SLC4A10: variants seen among roughly 807,000 people sequenced by gnomAD.
SLC4A10 encodes the protein sodium-driven chloride bicarbonate exchanger.
Under a neutral mutation model 137.7 loss-of-function variants are expected in SLC4A10, and 42 were observed. The observed-to-expected ratio is 0.30, with a 90% confidence interval of 0.24 to 0.39. The LOEUF is 0.39. Among genes scored for constraint, SLC4A10 ranks in the 10% least tolerant of loss-of-function variants. The probability of loss-of-function intolerance (pLI) is 1.00; values close to 1 mark genes in which losing one functional copy is unlikely to be tolerated. For synonymous variants in SLC4A10, 474 were observed against 464.1 expected (o/e 1.02, Z -0.27); for missense variants, 925 against 1,355.0 (o/e 0.68, Z 4.98).
At chr2:161,655,503 A>G (rs1170919146) in intron 1 of SLC4A10, among the ~76,000 whole-genome samples, 3 of 152,198 alleles carry the variant, frequency 2.0e-5, no homozygotes, top group Non-Finnish European at 1.5e-5. Flanking sequence ...AGCTTTTTAT[A>G]CATGGCCTTT....
intron 2 of SLC4A10, among the ~76,000 whole-genome samples, chr2:161,793,747 A>G (rs2054462570): frequency 6.6e-6 from 1 of 152,150 alleles, no homozygotes. Context: ...GGGCAGGAAG[A>G]TTATGAATAT....
At chr2:161,795,283 G>C (rs1486868651) in intron 2 of SLC4A10, among the ~76,000 whole-genome samples, 9 of 152,106 alleles carry the variant, frequency 5.9e-5, no homozygotes, top group Admixed American at 2.6e-4. Context: ...AACACTTACT[G>C]AGCTTTTAAT....
chr2:161,781,314 G>A (rs2052987190), intron 2 of SLC4A10, among the ~76,000 whole-genome samples: 1 of 152,016 alleles, frequency 6.6e-6, no homozygotes, highest in Non-Finnish European at 1.5e-5. Context: ...TTTACTTGGT[G>A]AGTGAATCTT....
At position 161,905,861 on chromosome 2, in the gene SLC4A10, T is replaced by C; in HGVS notation, c.1971T>C (p.Asn657=). 1.2e-6 allele frequency: 2 copies of C among 1,613,188 alleles called. No individual in the cohort carries two copies. The highest frequency in any genetic ancestry group is 1.7e-6 in the Non-Finnish European group (2 of 1,179,440). The change falls in exon 15 of 27, where the codon AAT becomes AAC. Residue 657 remains asparagine, a synonymous_variant. Transcript: ENST00000446997. ...AAGCATATCCAATCAACATGCATAA[T>C]GATCTGGAACTGCTGACACAATACT... ...LSEAYPINMH[N]DLELLTQYSC...
chr2:161,635,501 T>C (rs1173002084), intron 1 of SLC4A10, among the ~76,000 whole-genome samples: 1 of 152,200 alleles, frequency 6.6e-6, no homozygotes, highest in Non-Finnish European at 1.5e-5. Context: ...GCTTTTGCTT[T>C]GACTAGACCA....
At chr2:161,940,160 C>G (rs1692410981) in intron 15 of SLC4A10, among the ~76,000 whole-genome samples, 1 of 152,076 alleles carries the variant, frequency 6.6e-6, no homozygotes, top group South Asian at 2.1e-4. Context: ...TCCAAGGCAC[C>G]TAAGTCACAA....
chr2:161,840,014 A>T, intron 4 of SLC4A10, 87 bp downstream of exon 4: 2 of 1,506,614 alleles, frequency 1.3e-6, no homozygotes, highest in African/African-American at 1.4e-5. Context: ...AATTTTGCAA[A>T]CATCTATGAT....
intron 1 of SLC4A10, among the ~76,000 whole-genome samples, chr2:161,731,588 G>A (rs1251380348): frequency 2.0e-5 from 3 of 152,202 alleles, no homozygotes; most frequent in African/African-American, 7.2e-5. Context: ...GAAAATAATA[G>A]ATGCTTACAG....
At chr2:161,950,961 G>A (rs1694696260) in intron 19 of SLC4A10, 113 bp downstream of exon 19, 1 of 846,472 alleles carries the variant, frequency 1.2e-6, no homozygotes, top group Admixed American at 3.6e-5. Context: ...ATAAAATAAT[G>A]TTTTTAGATG....
At chr2:161,795,745 T>C (rs1344109868) in intron 2 of SLC4A10, among the ~76,000 whole-genome samples, 2 of 152,084 alleles carry the variant, frequency 1.3e-5, no homozygotes, top group South Asian at 2.1e-4. Flanking sequence ...AAATAGTCCA[T>C]AGATTGCAGC....
intron 10 of SLC4A10, 45 bp downstream of exon 10, chr2:161,882,489 AC>A: frequency 7.5e-7 from 1 of 1,340,094 alleles, no homozygotes; most frequent in East Asian, 2.6e-5. Context: ...CATTAGGTAT[AC>A]CTAAAACTTT....
intron 2 of SLC4A10, among the ~76,000 whole-genome samples, chr2:161,779,378 T>C (rs1229967266): frequency 1.3e-5 from 2 of 151,918 alleles, no homozygotes; most frequent in East Asian, 1.9e-4. Flanking sequence ...ATCCAAACCA[T>C]AGCAAGACCC....
chr2:161,905,225 A>G (rs1043505174), intron 14 of SLC4A10, among the ~76,000 whole-genome samples: 2 of 152,126 alleles, frequency 1.3e-5, no homozygotes, highest in African/African-American at 4.8e-5. Flanking sequence ...ATGGAAGACA[A>G]TTTTTCCACA....
intron 19 of SLC4A10, among the ~76,000 whole-genome samples, chr2:161,955,042 C>T (rs1695415090): frequency 6.6e-6 from 1 of 152,164 alleles, no homozygotes; most frequent in Admixed American, 6.6e-5. Context: ...GCCACCAGCT[C>T]CTCTTCCATC....
intron 1 of SLC4A10, among the ~76,000 whole-genome samples, chr2:161,646,234 G>C (rs918094828): frequency 6.6e-6 from 1 of 151,996 alleles, no homozygotes; most frequent in African/African-American, 2.4e-5. Context: ...TAAAAGCAAA[G>C]TAGTTTTTAT....
chr2:161,831,867 A>T (rs1253163206), intron 3 of SLC4A10, among the ~76,000 whole-genome samples: 2 of 152,188 alleles, frequency 1.3e-5, no homozygotes, highest in African/African-American at 4.8e-5. Flanking sequence ...AGTGATCAGA[A>T]CATGAAGATG....
chr2:161,783,268 T>C (rs1250985744), intron 2 of SLC4A10, among the ~76,000 whole-genome samples: 1 of 151,836 alleles, frequency 6.6e-6, no homozygotes, highest in East Asian at 1.9e-4. Context: ...CAAATGAAAC[T>C]GTCATTCAAT....
chr2:161,804,139 A>C (rs2125598297), intron 2 of SLC4A10, among the ~76,000 whole-genome samples: 1 of 151,468 alleles, frequency 6.6e-6, no homozygotes, highest in East Asian at 1.9e-4. Flanking sequence ...AGAATAAAAA[A>C]CAATTTTTTT....
At chr2:161,717,750 T>G (rs539904215) in intron 1 of SLC4A10, among the ~76,000 whole-genome samples, 4 of 152,144 alleles carry the variant, frequency 2.6e-5, no homozygotes, top group Non-Finnish European at 5.9e-5. Flanking sequence ...GGCCTGAAGT[T>G]TTCTTTATTT....
Sources: gnomAD v4.1 joint callset for allele counts (sites outside exome capture counted in the v4.1 genomes callset) on GRCh38, gnomAD v4.1.1 for gene constraint, MANE v1.5 for transcripts, NCBI Gene and HGNC (gene_info 2026-07-23, HGNC 2026-07-21) for gene names.